Variants in CNNM2 observed in about 807,000 individuals in gnomAD.
The protein encoded by CNNM2 is cyclin and CBS domain divalent metal cation transport mediator 2.
A neutral mutation model predicts 66.9 loss-of-function variants in CNNM2; 12 were observed. That is an observed-to-expected ratio of 0.18 (90% CI 0.11 to 0.29). The LOEUF (loss-of-function observed/expected upper bound fraction) is 0.29. Ranked by LOEUF, CNNM2 falls within the 10% of genes least tolerant of loss-of-function variation. The pLI is 1.00. For missense variants in CNNM2, 705 were observed against 1,167.7 expected (o/e 0.60, Z 5.77); for synonymous variants, 557 against 501.8 (o/e 1.11, Z -1.47).
At chr10:102,951,629 CTTT>C (rs562417683) in intron 1 of CNNM2, among the ~76,000 whole-genome samples, 1 of 145,370 alleles carries the variant, frequency 6.9e-6, no homozygotes, top group Non-Finnish European at 1.5e-5. Flanking sequence ...ATTTTAGAAA[CTTT>C]TTTTTTTCTT....
At chr10:102,928,221 G>T (rs1440874775) in intron 1 of CNNM2, among the ~76,000 whole-genome samples, 2 of 152,124 alleles carry the variant, frequency 1.3e-5, no homozygotes, top group Non-Finnish European at 1.5e-5. Context: ...AATTCTTTCT[G>T]TAGGCTCTTG....
intron 1 of CNNM2, among the ~76,000 whole-genome samples, chr10:103,048,972 A>G (rs2065174272): frequency 6.6e-6 from 1 of 152,098 alleles, no homozygotes; most frequent in South Asian, 2.1e-4. Context: ...TCAGCCTCCC[A>G]GGAAGCTGGG....
intron 1 of CNNM2, among the ~76,000 whole-genome samples, chr10:103,003,830 G>A (rs1433593725): frequency 2.0e-5 from 3 of 151,652 alleles, no homozygotes; most frequent in African/African-American, 7.3e-5. Flanking sequence ...CCACTGTCCT[G>A]ACATTAACAT....
chr10:103,006,381 A>G (rs1159513825), intron 1 of CNNM2, among the ~76,000 whole-genome samples: 2 of 151,550 alleles, frequency 1.3e-5, no homozygotes, highest in Admixed American at 6.6e-5. Flanking sequence ...TAATTTTTGT[A>G]TTATTGGTAG....
In CNNM2 at chr10:103,054,117, C is replaced by T. The variant is rs746007778; in HGVS notation, c.1766-212C>T. ...ACTAATCAGGCTGCCTGCGGTCACT[C>T]GCTGCGGACTGCGTGGTGCCCAGGC... is the stretch of plus-strand genomic sequence containing the variant. On this transcript the variant is annotated intron_variant, in intron 2 of 7. Transcript: ENST00000369878. This position sits in a 1 kb window ranked among gnomAD's most constrained non-coding sequence, Gnocchi z 5.2. 1.2e-4 allele frequency among the ~76,000 whole-genome samples: 18 copies of T among 152,174 alleles called. No individual in the cohort carries two copies. The highest frequency in any genetic ancestry group is 1.9e-4 in the African/African-American group (8 of 41,426).
chr10:102,919,808 C>G lies in CNNM2; in HGVS notation c.1328C>G (p.Thr443Ser). 1 of 1,614,238 alleles carries G rather than the reference C, an allele frequency of 6.2e-7. No individual in the cohort carries two copies. Among genetic ancestry groups the G allele is most frequent in the Non-Finnish European group, 8.5e-7 (1 of 1,180,032 alleles). The change falls in exon 1 of 8, where the codon ACC becomes AGC. Residue 443 changes from threonine to serine, a missense_variant. By Grantham distance (58) the Thr-to-Ser change is moderately conservative. Around this residue, in one of 9 missense-constraint regions of CNNM2, gnomAD observed 14 missense variants for 68.6 expected, o/e 0.20. Coordinates refer to ENST00000369878, the MANE Select transcript of CNNM2 (RefSeq NM_017649.5). ...ATCCAAGGGGCGCTGGAGCTCCGCA[C>G]CAAGACGGTGGAGGACGTGATGACC... ...NIIQGALELRTKTVEDVMTPL... is the reference protein window; with the variant it reads ...NIIQGALELRSKTVEDVMTPL...
chr10:103,057,233 C>G (rs1446122098), intron 4 of CNNM2, among the ~76,000 whole-genome samples: 1 of 152,002 alleles, frequency 6.6e-6, no homozygotes, highest in Non-Finnish European at 1.5e-5. Context: ...TTTGAGAGGC[C>G]AAGGTGGGAG....
intron 1 of CNNM2, among the ~76,000 whole-genome samples, chr10:103,017,732 G>A (rs1161283112): frequency 6.6e-6 from 1 of 152,086 alleles, no homozygotes; most frequent in Non-Finnish European, 1.5e-5. Flanking sequence ...TTGGGAGGCT[G>A]AGGCAGGTGG....
chr10:102,939,502 G>A (rs1846352748), intron 1 of CNNM2, among the ~76,000 whole-genome samples: 1 of 152,010 alleles, frequency 6.6e-6, no homozygotes, highest in African/African-American at 2.4e-5. Flanking sequence ...CACTCTTCAG[G>A]TTGGCTCCTG....
chr10:102,936,087 T>C (rs183681690), intron 1 of CNNM2, among the ~76,000 whole-genome samples: 6 of 152,012 alleles, frequency 3.9e-5, no homozygotes, highest in African/African-American at 1.4e-4. Flanking sequence ...AAAGACAGAT[T>C]GAGGGCATCA....
intron 5 of CNNM2, among the ~76,000 whole-genome samples, chr10:103,069,651 G>T (rs1462881125): frequency 2.0e-5 from 3 of 152,218 alleles, no homozygotes; most frequent in African/African-American, 7.2e-5. Context: ...CAGCCAGCCA[G>T]ATGTGCTCTC....
At chr10:103,026,562 C>T (rs1203412318) in intron 1 of CNNM2, among the ~76,000 whole-genome samples, 1 of 140,004 alleles carries the variant, frequency 7.1e-6, no homozygotes, top group Non-Finnish European at 1.5e-5. Flanking sequence ...GATCGTGCCA[C>T]TGCACTCTAG....
At position 103,083,915 on chromosome 10, in the gene CNNM2, G is replaced by A. The variant is rs1409392005; in HGVS notation, c.*6735G>A. The A allele has an allele frequency of 6.6e-6, 1 of 152,290 alleles. No homozygotes were observed. The highest frequency in any genetic ancestry group is 2.1e-4 in the South Asian group (1 of 4,838). The allele number at this position is 152,290 out of a possible 1,614,324, so 9.4% of individuals were successfully genotyped here. ...CAGGCATGGATAGTCACTTTCAAGT[G>A]GAAAACATCCGGCCTGAGTGTGGCG... On this transcript the variant is annotated 3_prime_UTR_variant, in exon 8 of 8. Transcript: ENST00000369878.
At chr10:102,965,548 C>T (rs928320776) in intron 1 of CNNM2, among the ~76,000 whole-genome samples, 1 of 152,302 alleles carries the variant, frequency 6.6e-6, no homozygotes, top group Admixed American at 6.5e-5. Context: ...TCAGTGATTT[C>T]TTCATTGAAG....
At chr10:103,018,471 C>T (rs548781126) in intron 1 of CNNM2, among the ~76,000 whole-genome samples, 8 of 151,976 alleles carry the variant, frequency 5.3e-5, no homozygotes, top group Admixed American at 5.2e-4. Flanking sequence ...AAAAGATCAC[C>T]AGCAGATAGA....
At chr10:102,927,418 C>T (rs772036140) in intron 1 of CNNM2, 1 of 1,613,016 alleles carries the variant, frequency 6.2e-7, no homozygotes, top group Non-Finnish European at 8.5e-7. Context: ...TTTCTTTCAA[C>T]ATCACAGACA....
chr10:102,949,318 G>A (rs1189009871), intron 1 of CNNM2, among the ~76,000 whole-genome samples: 1 of 152,044 alleles, frequency 6.6e-6, no homozygotes, highest in Admixed American at 6.6e-5. Context: ...TGGGATTACA[G>A]GCACATGCCA....
intron 1 of CNNM2, among the ~76,000 whole-genome samples, chr10:103,001,200 T>C (rs945001113): frequency 1.3e-5 from 2 of 152,024 alleles, no homozygotes; most frequent in Admixed American, 6.6e-5. Context: ...ATATGGGAAA[T>C]TGTTGAATGC....
intron 1 of CNNM2, among the ~76,000 whole-genome samples, chr10:103,007,888 T>C (rs1373292421): frequency 6.6e-6 from 1 of 152,226 alleles, no homozygotes; most frequent in African/African-American, 2.4e-5. Flanking sequence ...TAAGAAATTA[T>C]AAAAGTATTA....
Sources: allele counts gnomAD v4.1 joint callset (sites outside exome capture counted in the v4.1 genomes callset), GRCh38; gene constraint gnomAD v4.1.1; regional missense constraint gnomAD v4.1.1; non-coding constraint Gnocchi (gnomAD v3.1); transcripts MANE v1.5; gene names NCBI Gene and HGNC (gene_info 2026-07-23, HGNC 2026-07-21).